Variants in LSAMP observed in about 807,000 individuals in gnomAD.
The protein encoded by LSAMP is limbic system-associated membrane protein.
Under a neutral mutation model 38.6 loss-of-function variants are expected in LSAMP, and 7 were observed. The ratio of observed to expected loss-of-function variants is 0.18; its 90% CI spans 0.10 to 0.34. The LOEUF is 0.34. Among genes scored for constraint, LSAMP ranks in the 10% least tolerant of loss-of-function variants. The pLI, the probability that LSAMP is intolerant of heterozygous loss-of-function variation, is 1.00. For synonymous variants in LSAMP, 154 were observed against 166.8 expected, an observed-to-expected ratio of 0.92 and a Z score of 0.59; for missense variants, 313 against 420.0, an observed-to-expected ratio of 0.75 and a Z score of 2.23.
chr3:116,258,470 TAGTAAAC>T (rs1197690531), intron 1 of LSAMP, among the ~76,000 whole-genome samples: 3 of 150,548 alleles, frequency 2.0e-5, no homozygotes, highest in Admixed American at 1.3e-4. Context: ...ATCTTTAAAG[TAGTAAAC>T]AGAATGTCAG....
At chr3:116,031,502 T>C (rs1263309749) in intron 2 of LSAMP, among the ~76,000 whole-genome samples, 1 of 146,288 alleles carries the variant, frequency 6.8e-6, no homozygotes, top group African/African-American at 2.5e-5. Context: ...ATCTCTTAAA[T>C]GTAATGATTT....
chr3:116,294,292 G>T (rs1332506343), intron 1 of LSAMP, among the ~76,000 whole-genome samples: 1 of 152,068 alleles, frequency 6.6e-6, no homozygotes, highest in Non-Finnish European at 1.5e-5. Context: ...GACAATGTTT[G>T]GAAAATAATA....
chr3:115,890,318 A>T (rs1936563551), intron 3 of LSAMP, among the ~76,000 whole-genome samples: 2 of 151,964 alleles, frequency 1.3e-5, no homozygotes, highest in African/African-American at 4.8e-5. Context: ...ACAGATAGTC[A>T]TATAGTCATG....
chr3:115,978,376 A>G (rs1020274160), intron 3 of LSAMP, among the ~76,000 whole-genome samples: 9 of 152,126 alleles, frequency 5.9e-5, no homozygotes, highest in African/African-American at 2.2e-4. Flanking sequence ...AGGTAAGGAA[A>G]CTCAAGGTAA....
chr3:116,380,606 C>A (rs575630742), intron 1 of LSAMP, among the ~76,000 whole-genome samples: 1 of 152,090 alleles, frequency 6.6e-6, no homozygotes, highest in Admixed American at 6.6e-5. Context: ...CCATTTTGTA[C>A]AAACTACACA....
rs553912596 is a variant in LSAMP at position 116,190,437 on chromosome 3, C to CT, written c.156-103882dup. On this transcript the variant is annotated intron_variant, in intron 1 of 6. Transcript: ENST00000490035. ...GAAAATGTGGAGTCAACACTTAAGACTTTTTTTTTTTATTATTATTTTCCC... is the reference window on the plus strand; with the variant it reads ...GAAAATGTGGAGTCAACACTTAAGACTTTTTTTTTTTTATTATTATTTTCCC... Among the ~76,000 whole-genome samples, 1,029 of 146,620 alleles carry CT rather than the reference C, an allele frequency of 7.0e-3. 13 individuals carry two copies. Among genetic ancestry groups the CT allele is most frequent in the African/African-American group, 0.023 (915 of 40,162 alleles).
chr3:116,101,913 C>G (rs1258945116), intron 1 of LSAMP, among the ~76,000 whole-genome samples: 1 of 151,850 alleles, frequency 6.6e-6, no homozygotes, highest in Non-Finnish European at 1.5e-5. Context: ...ATTTTTTAAT[C>G]CATACTCAAT....
In LSAMP at chr3:116,055,474, C is replaced by T. The variant is rs528494922; in HGVS notation, c.388+30850G>A. On this transcript the variant is annotated intron_variant, in intron 2 of 6. Coordinates refer to ENST00000490035, the MANE Select transcript of LSAMP (RefSeq NM_002338.5). ...GATTTGAGGAGTCTATTTAGAATGA[C>T]GTAGGTAAGTTTTCTCTAGAAGTAA... Among the ~76,000 whole-genome samples the T allele has an allele frequency of 4.6e-5, 7 of 152,166 alleles. No individual in the cohort carries two copies. In the South Asian group the frequency reaches 6.2e-4, roughly 14 times the overall value.
chr3:115,846,394 A>T (rs1014359085), intron 4 of LSAMP, among the ~76,000 whole-genome samples: 1 of 152,238 alleles, frequency 6.6e-6, no homozygotes, highest in Non-Finnish European at 1.5e-5. Flanking sequence ...ACAGAGGACT[A>T]GGAAATAAAA....
chr3:116,177,172 C>T (rs1442261395), intron 1 of LSAMP, among the ~76,000 whole-genome samples: 1 of 152,020 alleles, frequency 6.6e-6, no homozygotes, highest in African/African-American at 2.4e-5. Context: ...GCATTACATA[C>T]CTAAGGTGCA....
At chr3:116,049,400 A>T (rs1941351384) in intron 2 of LSAMP, among the ~76,000 whole-genome samples, 1 of 152,182 alleles carries the variant, frequency 6.6e-6, no homozygotes. Flanking sequence ...TTGGGAAATA[A>T]ACTATTTGAA....
At chr3:116,331,918 AC>A in intron 1 of LSAMP, among the ~76,000 whole-genome samples, 1 of 151,980 alleles carries the variant, frequency 6.6e-6, no homozygotes, top group African/African-American at 2.4e-5. Context: ...TATCTCACTC[AC>A]CTTGAAGATC....
At chr3:115,978,711 G>T (rs1054227627) in intron 3 of LSAMP, among the ~76,000 whole-genome samples, 1 of 152,002 alleles carries the variant, frequency 6.6e-6, no homozygotes, top group Non-Finnish European at 1.5e-5. Context: ...AAAAGTTAAG[G>T]AGTTGGCAGA....
At chr3:116,192,111 T>G (rs75774810) in intron 1 of LSAMP, among the ~76,000 whole-genome samples, 5,414 of 152,316 alleles carry the variant, frequency 0.036, 112 homozygotes, top group Middle Eastern at 0.054. Context: ...ACTAAAACAT[T>G]TGTGTGACTT....
At chr3:116,220,874 G>C (rs993304560) in intron 1 of LSAMP, among the ~76,000 whole-genome samples, 30 of 152,200 alleles carry the variant, frequency 2.0e-4, no homozygotes, top group African/African-American at 6.8e-4. Flanking sequence ...AGGGGAAGCG[G>C]CTGGGCGCAG....
intron 3 of LSAMP, among the ~76,000 whole-genome samples, chr3:115,854,724 C>A (rs550261819): frequency 6.6e-6 from 1 of 152,192 alleles, no homozygotes; most frequent in East Asian, 1.9e-4. Context: ...ATCTTTCCTG[C>A]ATATTGTTTC....
At chr3:116,281,385 T>G (rs950241731) in intron 1 of LSAMP, among the ~76,000 whole-genome samples, 9 of 152,196 alleles carry the variant, frequency 5.9e-5, no homozygotes, top group Admixed American at 3.9e-4. Context: ...TACCTTCCTT[T>G]GCATTCATGA....
intron 3 of LSAMP, among the ~76,000 whole-genome samples, chr3:115,870,894 C>G (rs915761672): frequency 1.3e-5 from 2 of 152,004 alleles, no homozygotes; most frequent in Non-Finnish European, 2.9e-5. Flanking sequence ...TAAAAAGGCC[C>G]CAGGCATTTC....
At chr3:116,388,525 T>C (rs955514051) in intron 1 of LSAMP, among the ~76,000 whole-genome samples, 5 of 152,154 alleles carry the variant, frequency 3.3e-5, no homozygotes, top group Non-Finnish European at 7.3e-5. Flanking sequence ...CACGAAAATA[T>C]TTTACTAAAT....
Sources: allele counts gnomAD v4.1 joint callset (sites outside exome capture counted in the v4.1 genomes callset), GRCh38; gene constraint gnomAD v4.1.1; transcripts MANE v1.5; gene names NCBI Gene and HGNC (gene_info 2026-07-23, HGNC 2026-07-21).